The following PIK3C3 variants were observed in gnomAD, a reference collection of about 807,000 sequenced individuals.
The protein encoded by PIK3C3 is PI3-kinase type 3.
Under a neutral mutation model 126.1 loss-of-function variants are expected in PIK3C3, and 95 were observed. The ratio of observed to expected loss-of-function variants is 0.75; its 90% confidence interval spans 0.64 to 0.89. PIK3C3 has a LOEUF of 0.89. Ranked by LOEUF, PIK3C3 falls within the 40% of genes least tolerant of loss-of-function variation. The pLI is 0.00. For synonymous variants in PIK3C3, 374 were observed against 360.0 expected (o/e 1.04, Z -0.44); for missense variants, 829 against 1,063.2 (o/e 0.78, Z 3.06).
At chr18:41,970,854 G>T (rs1980630547) in intron 4 of PIK3C3, 1 of 233,716 alleles carries the variant, frequency 4.3e-6, no homozygotes, top group South Asian at 9.8e-5. Flanking sequence ...GTGACCTTAT[G>T]TCTGGAAATC....
chr18:41,956,940 G>A (rs1453088810), intron 1 of PIK3C3, among the ~76,000 whole-genome samples: 1 of 152,118 alleles, frequency 6.6e-6, no homozygotes, highest in African/African-American at 2.4e-5. Flanking sequence ...TCTAAAAAAT[G>A]TTCCTCCCTC....
At chr18:41,996,931 C>A (rs1982054435) in intron 9 of PIK3C3, among the ~76,000 whole-genome samples, 1 of 152,066 alleles carries the variant, frequency 6.6e-6, no homozygotes, top group Non-Finnish European at 1.5e-5. Context: ...GACTCATAGA[C>A]AATGTCTGAA....
At position 42,081,209 on chromosome 18, in the gene PIK3C3, A is replaced by G; in HGVS notation, c.*72A>G. 1 of 926,324 alleles carries G rather than the reference A, an allele frequency of 1.1e-6. No individual in the cohort carries two copies. Among genetic ancestry groups the G allele is most frequent in the Non-Finnish European group, 1.7e-6 (1 of 588,990 alleles). The allele number at this position is 926,324 out of a possible 1,614,324, so 57.4% of individuals were successfully genotyped here. On this transcript the variant is annotated 3_prime_UTR_variant, in exon 25 of 25. Coordinates refer to ENST00000262039, the MANE Select transcript of PIK3C3 (RefSeq NM_002647.4). ...GTTAGGAGCAACCTTTGTATATTGG[A>G]GACTTCAGAGTAACCAGCAAGGAAG... is the stretch of plus-strand genomic sequence containing the variant.
At chr18:42,030,948 C>CT (rs1466915803) in intron 15 of PIK3C3, among the ~76,000 whole-genome samples, 2 of 152,164 alleles carry the variant, frequency 1.3e-5, no homozygotes, top group Admixed American at 1.3e-4. Flanking sequence ...CACTCAGAGT[C>CT]TCCCCAAATA....
At chr18:42,053,345 C>A (rs1038270668) in intron 21 of PIK3C3, among the ~76,000 whole-genome samples, 1 of 152,116 alleles carries the variant, frequency 6.6e-6, no homozygotes, top group African/African-American at 2.4e-5. Flanking sequence ...ATACTTCTAG[C>A]TTGGTTGAAG....
At chr18:42,055,775 G>A (rs78939042) in intron 21 of PIK3C3, among the ~76,000 whole-genome samples, 2 of 152,082 alleles carry the variant, frequency 1.3e-5, no homozygotes, top group East Asian at 3.9e-4. Context: ...TTTGATGTTG[G>A]ACACGTTTAA....
chr18:41,974,925 A>C (rs917545906), intron 4 of PIK3C3, among the ~76,000 whole-genome samples: 1 of 152,170 alleles, frequency 6.6e-6, no homozygotes, highest in Non-Finnish European at 1.5e-5. Flanking sequence ...TCTCCTTTTC[A>C]TTTTAGCAGC....
chr18:42,074,483 C>T (rs1253561653), intron 24 of PIK3C3, among the ~76,000 whole-genome samples: 3 of 151,994 alleles, frequency 2.0e-5, no homozygotes, highest in Non-Finnish European at 4.4e-5. Flanking sequence ...ATGTAATTGG[C>T]TTTAATAATA....
chr18:41,996,737 G>A lies in PIK3C3; in HGVS notation c.984+7G>A. On this transcript the variant is annotated splice_region_variant and intron_variant, in intron 9 of 24. Coordinates refer to ENST00000262039, the MANE Select transcript of PIK3C3 (RefSeq NM_002647.4). Reference sequence around the variant, plus strand: ...TCTTACGAATCAAGAAAAAGTGAGTGTCTTGAATATTTTCATATATCAAAT... The same window carrying A: ...TCTTACGAATCAAGAAAAAGTGAGTATCTTGAATATTTTCATATATCAAAT... 3.0e-6 allele frequency: 4 copies of A among 1,350,544 alleles called. No homozygotes were observed. Among genetic ancestry groups the A allele is most frequent in the Non-Finnish European group, 4.1e-6 (4 of 968,860 alleles). 83.7% of individuals were successfully genotyped at this position (1,350,544 alleles called of 1,614,324 possible).
chr18:42,037,926 C>G, intron 17 of PIK3C3, 106 bp downstream of exon 17: 1 of 1,075,060 alleles, frequency 9.3e-7, no homozygotes, highest in East Asian at 2.4e-5. Flanking sequence ...CATTCAGGTA[C>G]GATCCTAGAA....
chr18:42,058,589 G>A lies in PIK3C3; in HGVS notation c.2432+538G>A, dbSNP rs74650180. On this transcript the variant is annotated intron_variant, in intron 22 of 24. Transcript: ENST00000262039. ...TTCAGAAGTTTGCTCAATGATTGTG[G>A]TAAATGTTAAATATGATTTTTATCT... Among the ~76,000 whole-genome samples, 862 of 152,246 alleles carry A rather than the reference G, an allele frequency of 5.7e-3. 13 individuals are homozygous for A. The highest frequency in any genetic ancestry group is 0.02 in the African/African-American group (824 of 41,552).
At chr18:42,043,999 A>C (rs1161060679) in intron 20 of PIK3C3, among the ~76,000 whole-genome samples, 182 bp downstream of exon 20, 1 of 152,228 alleles carries the variant, frequency 6.6e-6, no homozygotes, top group Non-Finnish European at 1.5e-5. Context: ...AACAAGGTGT[A>C]AATTCTATTT....
chr18:42,085,720 A>C lies in PIK3C3; in HGVS notation c.*4583A>C, dbSNP rs1270093691. 1.3e-5 allele frequency: 2 copies of C among 152,232 alleles called. No individual in the cohort carries two copies. Among genetic ancestry groups the C allele is most frequent in the Admixed American group, 1.3e-4 (2 of 15,290 alleles). 9.4% of individuals were successfully genotyped at this position (152,232 alleles called of 1,614,324 possible). A position where few individuals can be genotyped will look rare whatever the true frequency, so the allele number is the denominator to read the frequency against. On this transcript the variant is annotated 3_prime_UTR_variant, in exon 25 of 25. Coordinates refer to ENST00000262039, the MANE Select transcript of PIK3C3 (RefSeq NM_002647.4). ...ATAGCATCCCAGTATTGCCATTCTA[A>C]AACTCTGGCATGTAAATGGGAGAAA...
intron 12 of PIK3C3, 103 bp from the exon 13 acceptor site, chr18:42,020,535 A>G (rs181105910): frequency 3.0e-6 from 2 of 677,316 alleles, no homozygotes; most frequent in East Asian, 2.8e-5. Context: ...GATCTATTAC[A>G]TAAGATATAC....
At chr18:42,051,126 T>A (rs1056072188) in intron 21 of PIK3C3, 1 of 152,246 alleles carries the variant, frequency 6.6e-6, no homozygotes, top group Admixed American at 6.5e-5. Context: ...GAGACAGAAA[T>A]CCTTGCTCTC....
At chr18:42,038,704 G>A in intron 17 of PIK3C3, 77 bp from the exon 18 acceptor site, 1 of 849,556 alleles carries the variant, frequency 1.2e-6, no homozygotes, top group Middle Eastern at 3.0e-4. Context: ...ACATTAAACT[G>A]CTATACTATT....
chr18:41,995,881 A>T lies in PIK3C3; in HGVS notation c.787-9A>T. ...GTTTACATTGTCAATATTTTAAAAT[A>T]ATTTGTAGGAGAATTTAGTTGAGAG... On this transcript the variant is annotated splice_polypyrimidine_tract_variant and intron_variant, in intron 7 of 24. Coordinates refer to ENST00000262039, the MANE Select transcript of PIK3C3 (RefSeq NM_002647.4). The T allele has an allele frequency of 2.5e-6, 4 of 1,590,156 alleles. No homozygotes were observed. Among genetic ancestry groups the T allele is most frequent in the Non-Finnish European group, 3.5e-6 (4 of 1,158,986 alleles).
At chr18:42,034,014 A>G (rs1983940507) in intron 16 of PIK3C3, 57 bp downstream of exon 16, 1 of 1,242,320 alleles carries the variant, frequency 8.0e-7, no homozygotes, top group African/African-American at 1.5e-5. Flanking sequence ...AAGCTAGATC[A>G]GAGATACTAC....
At chr18:41,966,769 A>G (rs1294004755) in intron 3 of PIK3C3, among the ~76,000 whole-genome samples, 1 of 152,218 alleles carries the variant, frequency 6.6e-6, no homozygotes, top group African/African-American at 2.4e-5. Flanking sequence ...ATAGTCAGAT[A>G]TACACGGAAT....
Sources: allele counts gnomAD v4.1 joint callset (sites outside exome capture counted in the v4.1 genomes callset), GRCh38; gene constraint gnomAD v4.1.1; transcripts MANE v1.5; gene names NCBI Gene and HGNC (gene_info 2026-07-23, HGNC 2026-07-21).